Variants in TBC1D5 observed in about 807,000 individuals in gnomAD.
TBC1D5 encodes TBC1 domain family, member 5.
Under a neutral mutation model 100.3 loss-of-function variants are expected in TBC1D5, and 75 were observed. That is an observed-to-expected ratio of 0.75 (90% CI 0.62 to 0.91). The LOEUF is 0.91. Among genes scored for constraint, TBC1D5 ranks in the 40% least tolerant of loss-of-function variants. TBC1D5 has a pLI of 0.00. For missense variants in TBC1D5, 910 were observed against 942.4 expected, an observed-to-expected ratio of 0.97 and a Z score of 0.45; for synonymous variants, 323 against 325.6, an observed-to-expected ratio of 0.99 and a Z score of 0.09.
intron 1 of TBC1D5, among the ~76,000 whole-genome samples, chr3:17,712,850 TTAAA>T (rs1392045130): frequency 2.8e-4 from 42 of 152,254 alleles, no homozygotes; most frequent in Admixed American, 2.6e-3. Context: ...AATAAATAAA[TTAAA>T]TAGTCAGTAA....
intron 19 of TBC1D5, among the ~76,000 whole-genome samples, chr3:17,175,748 A>G (rs979021257): frequency 6.6e-6 from 1 of 152,228 alleles, no homozygotes; most frequent in Admixed American, 6.5e-5. Flanking sequence ...TGGGCTTAAG[A>G]TAAATATATA....
In TBC1D5 at chr3:17,495,016, C is replaced by T. The variant is rs796628765; in HGVS notation, c.97+13458G>A. ...TGCCTCCCCTGGCTGGGGATGGGAG[C>T]TCCCCTTGCCCCGTGCGGCTCCCGG... On this transcript the variant is annotated intron_variant, in intron 3 of 21. Transcript: ENST00000253692. 3.9e-5 allele frequency among the ~76,000 whole-genome samples: 6 copies of T among 152,210 alleles called. No homozygotes were observed. The East Asian group carries it at 9.6e-4, about 24-fold the overall frequency.
At chr3:17,662,927 G>A (rs1484970686) in intron 1 of TBC1D5, 1 of 152,124 alleles carries the variant, frequency 6.6e-6, no homozygotes, top group African/African-American at 2.4e-5. Flanking sequence ...AGTGTCCGTG[G>A]TTGTGATTTA....
At chr3:17,634,433 T>C (rs2063735731) in intron 1 of TBC1D5, among the ~76,000 whole-genome samples, 1 of 151,966 alleles carries the variant, frequency 6.6e-6, no homozygotes, top group African/African-American at 2.4e-5. Context: ...ACAACATGGG[T>C]GGAACTGGAG....
At chr3:17,694,484 AG>A (rs1265220800) in intron 1 of TBC1D5, among the ~76,000 whole-genome samples, 2 of 152,226 alleles carry the variant, frequency 1.3e-5, no homozygotes, top group African/African-American at 4.8e-5. Flanking sequence ...ATCAACTAGA[AG>A]AAAGGGTATC....
rs58983540 is a variant in TBC1D5 at position 17,579,324 on chromosome 3, T to G, written c.-36+44525A>C. Among the ~76,000 whole-genome samples, 814 of 152,208 alleles carry G rather than the reference T, an allele frequency of 5.3e-3. 12 individuals are homozygous for G. Among genetic ancestry groups the G allele is most frequent in the African/African-American group, 0.019 (783 of 41,552 alleles). The stretch of plus-strand genomic sequence containing the variant: ...GTGTTTTACACAGGTGAATGTAAAT[T>G]AGAAATACAGCCATCTTTCAATTAT... On this transcript the variant is annotated intron_variant, in intron 2 of 21. Transcript: ENST00000253692.
At chr3:17,231,112 T>C (rs2075381556) in intron 17 of TBC1D5, among the ~76,000 whole-genome samples, 1 of 152,186 alleles carries the variant, frequency 6.6e-6, no homozygotes, top group East Asian at 1.9e-4. Context: ...TGACTGTACT[T>C]CTGTTGTTAC....
intron 1 of TBC1D5, among the ~76,000 whole-genome samples, chr3:17,722,870 T>G (rs2075817674): frequency 6.6e-6 from 1 of 152,136 alleles, no homozygotes; most frequent in South Asian, 2.1e-4. Flanking sequence ...GAAAAACACA[T>G]CTCCCACTAT....
intron 2 of TBC1D5, among the ~76,000 whole-genome samples, chr3:17,532,067 C>A (rs527682210): frequency 1.3e-5 from 2 of 152,066 alleles, no homozygotes; most frequent in Non-Finnish European, 2.9e-5. Flanking sequence ...AATGGGAGAA[C>A]GTTTTTGCAA....
chr3:17,497,910 A>G (rs966220119), intron 3 of TBC1D5, among the ~76,000 whole-genome samples: 3 of 152,126 alleles, frequency 2.0e-5, no homozygotes, highest in Non-Finnish European at 4.4e-5. Context: ...AAAATTAAAG[A>G]TATTTGTTAA....
At chr3:17,224,813 C>T (rs113047200) in intron 17 of TBC1D5, among the ~76,000 whole-genome samples, 1,703 of 152,290 alleles carry the variant, frequency 0.011, 38 homozygotes, top group African/African-American at 0.038. Context: ...TCTTTTGCAG[C>T]TATTACCCTG....
At chr3:17,352,683 CAAA>C (rs1363926293) in intron 13 of TBC1D5, among the ~76,000 whole-genome samples, 1 of 94,896 alleles carries the variant, frequency 1.1e-5, no homozygotes, top group Non-Finnish European at 2.1e-5. Flanking sequence ...AAGCAAAAGG[CAAA>C]AAAAAAAAAA....
intron 13 of TBC1D5, among the ~76,000 whole-genome samples, chr3:17,323,884 AAAAC>A (rs2085746058): frequency 6.6e-6 from 1 of 152,226 alleles, no homozygotes; most frequent in African/African-American, 2.4e-5. Context: ...TTTAAAAAGA[AAAAC>A]AAAGTTGGAG....
intron 2 of TBC1D5, among the ~76,000 whole-genome samples, chr3:17,543,580 G>A (rs926217146): frequency 6.6e-6 from 1 of 152,160 alleles, no homozygotes; most frequent in Non-Finnish European, 1.5e-5. Context: ...TGAGGCTGCA[G>A]TGAGTCATGC....
At chr3:17,590,304 C>G (rs1365778918) in intron 2 of TBC1D5, among the ~76,000 whole-genome samples, 2 of 152,160 alleles carry the variant, frequency 1.3e-5, no homozygotes, top group Non-Finnish European at 2.9e-5. Context: ...TTTGGGCCCA[C>G]TAAGTAGGGA....
chr3:17,666,233 T>G (rs2067241053), intron 1 of TBC1D5, among the ~76,000 whole-genome samples: 1 of 152,200 alleles, frequency 6.6e-6, no homozygotes, highest in African/African-American at 2.4e-5. Flanking sequence ...ACATAAAGTA[T>G]TTCCTTTACT....
intron 16 of TBC1D5, among the ~76,000 whole-genome samples, chr3:17,257,599 A>G (rs908904163): frequency 6.6e-6 from 1 of 152,178 alleles, no homozygotes; most frequent in Non-Finnish European, 1.5e-5. Flanking sequence ...ACAACATTAC[A>G]CTAAGACAAG....
intron 3 of TBC1D5, among the ~76,000 whole-genome samples, chr3:17,466,635 A>ATATC (rs2095305528): frequency 6.6e-6 from 1 of 152,252 alleles, no homozygotes; most frequent in African/African-American, 2.4e-5. Flanking sequence ...TCCAATAGAT[A>ATATC]GGCTGGCTGT....
intron 1 of TBC1D5, among the ~76,000 whole-genome samples, chr3:17,718,745 A>G (rs1488288297): frequency 2.0e-5 from 3 of 152,034 alleles, no homozygotes; most frequent in Non-Finnish European, 4.4e-5. Flanking sequence ...CCAATTAAAC[A>G]ATCATTCCCC....
Sources: gnomAD v4.1 joint callset for allele counts (sites outside exome capture counted in the v4.1 genomes callset) on GRCh38, gnomAD v4.1.1 for gene constraint, MANE v1.5 for transcripts, NCBI Gene and HGNC (gene_info 2026-07-23, HGNC 2026-07-21) for gene names.